SYT1: variants seen among roughly 807,000 people sequenced by gnomAD.
SYT1 encodes synaptotagmin-1.
Under a neutral mutation model 44.8 loss-of-function variants are expected in SYT1, and 8 were observed. The ratio of observed to expected loss-of-function variants is 0.18; its 90% CI spans 0.10 to 0.32. The LOEUF is 0.32. Ranked by LOEUF, SYT1 falls within the 10% of genes least tolerant of loss-of-function variation. The pLI is 1.00. For synonymous variants in SYT1, 154 were observed against 188.8 expected, an observed-to-expected ratio of 0.82 and a Z score of 1.51; for missense variants, 286 against 509.3, an observed-to-expected ratio of 0.56 and a Z score of 4.22.
chr12:79,180,856 G>A (rs1053505553), intron 3 of SYT1, among the ~76,000 whole-genome samples: 7 of 152,052 alleles, frequency 4.6e-5, no homozygotes, highest in Non-Finnish European at 1.0e-4. Flanking sequence ...TTGAACTGTA[G>A]TTCCCATAAT....
chr12:79,135,959 A>G (rs1340287532), intron 3 of SYT1, among the ~76,000 whole-genome samples: 1 of 152,174 alleles, frequency 6.6e-6, no homozygotes, highest in Admixed American at 6.5e-5. Flanking sequence ...GCAAGCTTTC[A>G]CTCCAAGTCA....
chr12:78,891,799 G>A (rs1875067349), intron 1 of SYT1, among the ~76,000 whole-genome samples: 1 of 151,794 alleles, frequency 6.6e-6, no homozygotes, highest in African/African-American at 2.4e-5. Context: ...TCCCTCTACA[G>A]CTTCTCTTTA....
chr12:79,304,656 G>T (rs1880305601), intron 8 of SYT1, among the ~76,000 whole-genome samples: 1 of 152,082 alleles, frequency 6.6e-6, no homozygotes, highest in Non-Finnish European at 1.5e-5. Context: ...AAGCTATGGT[G>T]TAAGTCTCTG....
chr12:79,259,878 A>T (rs1044709335), intron 4 of SYT1, among the ~76,000 whole-genome samples: 2 of 152,212 alleles, frequency 1.3e-5, no homozygotes, highest in South Asian at 4.1e-4. Context: ...AAAGAGCAAA[A>T]CTTGCTGAGT....
chr12:78,894,330 G>GTTTTTTTTTTTTTTTTTTTT lies in SYT1; in HGVS notation c.-217+29237_-217+29256dup, dbSNP rs566175647. Among the ~76,000 whole-genome samples, 33 of 27,732 alleles carry GTTTTTTTTTTTTTTTTTTTT rather than the reference G, an allele frequency of 1.2e-3. 12 individuals are homozygous for GTTTTTTTTTTTTTTTTTTTT. Among genetic ancestry groups the GTTTTTTTTTTTTTTTTTTTT allele is most frequent in the East Asian group, 1.8e-3 (1 of 564 alleles). The allele number at this position is 27,732 out of a possible 152,430, so 18.2% of individuals were successfully genotyped here. ...AATTTATGATTGTGTTTTTTAATCT[G>GTTTTTTTTTTTTTTTTTTTT]TTTTTTTTTTTTTTTTTTTTTTTTT... On this transcript the variant is annotated intron_variant, in intron 1 of 10. Coordinates refer to ENST00000261205, the MANE Select transcript of SYT1 (RefSeq NM_005639.3).
chr12:79,163,920 A>G (rs529132364), intron 3 of SYT1, among the ~76,000 whole-genome samples: 37 of 152,032 alleles, frequency 2.4e-4, no homozygotes, highest in Non-Finnish European at 4.7e-4. Flanking sequence ...CTCAACATAC[A>G]CCTTCATTTC....
At chr12:79,164,012 C>T (rs1423719047) in intron 3 of SYT1, among the ~76,000 whole-genome samples, 1 of 151,798 alleles carries the variant, frequency 6.6e-6, no homozygotes, top group African/African-American at 2.4e-5. Flanking sequence ...ATCTTTTTTC[C>T]ACCATGACAC....
intron 9 of SYT1, among the ~76,000 whole-genome samples, chr12:79,401,971 T>G (rs1885085729): frequency 1.3e-5 from 2 of 152,068 alleles, no homozygotes; most frequent in Admixed American, 1.3e-4. Flanking sequence ...AACTCAAACA[T>G]TTGTAGGCCA....
intron 3 of SYT1, among the ~76,000 whole-genome samples, chr12:79,047,650 A>G (rs1592698731): frequency 6.6e-6 from 1 of 152,022 alleles, no homozygotes; most frequent in Admixed American, 6.6e-5. Flanking sequence ...ATTCTAAAGA[A>G]GAAAACAGTA....
intron 3 of SYT1, among the ~76,000 whole-genome samples, chr12:79,170,908 A>G (rs1565836750): frequency 6.6e-6 from 1 of 152,012 alleles, no homozygotes; most frequent in Non-Finnish European, 1.5e-5. Flanking sequence ...TCTTTTTCAT[A>G]TGCCTAGCCA....
intron 9 of SYT1, among the ~76,000 whole-genome samples, chr12:79,410,720 T>A (rs2136133617): frequency 6.6e-6 from 1 of 152,310 alleles, no homozygotes; most frequent in South Asian, 2.1e-4. Context: ...ATCCATTTAA[T>A]GTGTTACTTT....
intron 1 of SYT1, among the ~76,000 whole-genome samples, chr12:78,890,400 G>A (rs7975625): frequency 0.011 from 1,625 of 151,944 alleles, 26 homozygotes; most frequent in African/African-American, 0.037. Flanking sequence ...GGGGTGACGG[G>A]AGCGGGGAAG....
chr12:79,051,835 T>G (rs1293156966), intron 3 of SYT1, among the ~76,000 whole-genome samples: 1 of 152,130 alleles, frequency 6.6e-6, no homozygotes, highest in Non-Finnish European at 1.5e-5. Context: ...ATCAGATAGC[T>G]GTAGATATGC....
At chr12:79,182,004 C>T (rs771086111) in intron 3 of SYT1, among the ~76,000 whole-genome samples, 3 of 152,036 alleles carry the variant, frequency 2.0e-5, no homozygotes, top group Non-Finnish European at 4.4e-5. Flanking sequence ...CTTCTGGTAA[C>T]TTCTCTTTGT....
chr12:79,066,141 G>T (rs901671576), intron 3 of SYT1, among the ~76,000 whole-genome samples: 12 of 151,976 alleles, frequency 7.9e-5, no homozygotes, highest in African/African-American at 2.9e-4. Flanking sequence ...CCACACAAAT[G>T]CAGAGACCAC....
intron 9 of SYT1, among the ~76,000 whole-genome samples, chr12:79,364,621 A>AAAAG (rs1189815317): frequency 2.6e-5 from 4 of 152,212 alleles, no homozygotes; most frequent in African/African-American, 9.6e-5. Flanking sequence ...TTAACTTAAA[A>AAAAG]AAAGAATTAA....
At chr12:78,929,087 G>A (rs1342034049) in intron 1 of SYT1, among the ~76,000 whole-genome samples, 4 of 151,808 alleles carry the variant, frequency 2.6e-5, no homozygotes, top group Non-Finnish European at 5.9e-5. Flanking sequence ...TAATAATCAG[G>A]AAATTTGGAT....
chr12:79,158,145 A>G (rs1870715119), intron 3 of SYT1, among the ~76,000 whole-genome samples: 1 of 152,118 alleles, frequency 6.6e-6, no homozygotes, highest in Admixed American at 6.5e-5. Context: ...CATATGTTAC[A>G]AGTAACTACA....
intron 1 of SYT1, chr12:78,960,507 T>C (rs912035417): frequency 6.6e-6 from 1 of 152,200 alleles, no homozygotes. Flanking sequence ...TCCTTTAGCA[T>C]GAATGAAACC....
Sources: gnomAD v4.1 joint callset for allele counts (sites outside exome capture counted in the v4.1 genomes callset) on GRCh38, gnomAD v4.1.1 for gene constraint, MANE v1.5 for transcripts, NCBI Gene and HGNC (gene_info 2026-07-23, HGNC 2026-07-21) for gene names.